Variants in TBC1D5 observed in about 807,000 individuals in gnomAD.
TBC1D5 encodes TBC1 domain family member 5.
In TBC1D5, 75 loss-of-function variants were observed where a neutral mutation model predicts 100.3. The ratio of observed to expected loss-of-function variants is 0.75; its 90% confidence interval spans 0.62 to 0.91. TBC1D5 has a LOEUF of 0.91. TBC1D5 is among the 40% of genes least tolerant of loss of function. The pLI, the probability that TBC1D5 is intolerant of heterozygous loss-of-function variation, is 0.00. For synonymous variants in TBC1D5, 323 were observed against 325.6 expected (o/e 0.99, Z 0.09); for missense variants, 910 against 942.4 (o/e 0.97, Z 0.45).
intron 3 of TBC1D5, among the ~76,000 whole-genome samples, chr3:17,495,319 A>G (rs1007190178): frequency 6.6e-6 from 1 of 152,252 alleles, no homozygotes; most frequent in African/African-American, 2.4e-5. Context: ...TTTGTCATTA[A>G]CCAAAAGACT....
intron 3 of TBC1D5, among the ~76,000 whole-genome samples, chr3:17,491,120 T>C (rs991456148): frequency 6.6e-6 from 1 of 152,206 alleles, no homozygotes; most frequent in Non-Finnish European, 1.5e-5. Flanking sequence ...TGTCAGCTAT[T>C]AGTATATAAA....
intron 13 of TBC1D5, among the ~76,000 whole-genome samples, chr3:17,351,823 AAAG>A (rs1386842259): frequency 6.5e-4 from 73 of 112,518 alleles, no homozygotes; most frequent in African/African-American, 3.0e-3. Flanking sequence ...GAAAAAAAAA[AAAG>A]AGATTCCCTA....
chr3:17,625,472 T>G (rs1408637338), intron 1 of TBC1D5, among the ~76,000 whole-genome samples: 2 of 152,094 alleles, frequency 1.3e-5, no homozygotes, highest in Non-Finnish European at 2.9e-5. Context: ...CAACGATATT[T>G]AATTTTTTTA....
chr3:17,216,706 T>C (rs2073678837), intron 17 of TBC1D5, among the ~76,000 whole-genome samples: 2 of 151,972 alleles, frequency 1.3e-5, no homozygotes, highest in Admixed American at 1.3e-4. Flanking sequence ...GGCCTTAACT[T>C]CCCAGGGATA....
intron 2 of TBC1D5, among the ~76,000 whole-genome samples, chr3:17,511,802 CTGAT>C: frequency 6.6e-6 from 1 of 152,082 alleles, no homozygotes. Context: ...CCATTATATC[CTGAT>C]TTATTATGCC....
At chr3:17,412,626 T>C (rs1400601281) in intron 4 of TBC1D5, among the ~76,000 whole-genome samples, 1 of 152,128 alleles carries the variant, frequency 6.6e-6, no homozygotes. Context: ...ATACTTACAA[T>C]GTGCCTGAAA....
chr3:17,591,233 CAA>C (rs60889092), intron 2 of TBC1D5, among the ~76,000 whole-genome samples: 37 of 18,664 alleles, frequency 2.0e-3, no homozygotes, highest in Admixed American at 4.0e-3. Context: ...AAGGATCTGT[CAA>C]AAAAAAAAAA....
intron 1 of TBC1D5, among the ~76,000 whole-genome samples, chr3:17,676,048 T>C (rs1443589037): frequency 6.6e-6 from 1 of 152,148 alleles, no homozygotes; most frequent in African/African-American, 2.4e-5. Context: ...GAAACTCTCA[T>C]GACTACTTTG....
chr3:17,396,071 C>A (rs1452907434), intron 8 of TBC1D5, among the ~76,000 whole-genome samples: 2 of 152,074 alleles, frequency 1.3e-5, no homozygotes, highest in East Asian at 3.9e-4. Flanking sequence ...GAAACACACA[C>A]AGGTTGCCGA....
intron 2 of TBC1D5, among the ~76,000 whole-genome samples, chr3:17,592,813 G>A (rs1401769241): frequency 1.3e-5 from 2 of 152,138 alleles, no homozygotes; most frequent in African/African-American, 2.4e-5. Context: ...TAGGATTTTG[G>A]AGCAAGGCCC....
chr3:17,684,585 T>G (rs1392008720), intron 1 of TBC1D5, among the ~76,000 whole-genome samples: 3 of 152,114 alleles, frequency 2.0e-5, no homozygotes, highest in Non-Finnish European at 4.4e-5. Flanking sequence ...CCCTAATAAC[T>G]GCTCTATGTT....
chr3:17,507,198 GCTT>G (rs2095853562), intron 3 of TBC1D5, among the ~76,000 whole-genome samples: 1 of 152,130 alleles, frequency 6.6e-6, no homozygotes, highest in Non-Finnish European at 1.5e-5. Context: ...AACTACGAAT[GCTT>G]CTTATGAGTA....
chr3:17,715,872 C>T (rs931651590), intron 1 of TBC1D5, among the ~76,000 whole-genome samples: 1 of 151,962 alleles, frequency 6.6e-6, no homozygotes, highest in East Asian at 1.9e-4. Flanking sequence ...GCCTGGCCAA[C>T]ACAGTGAAAC....
At chr3:17,723,205 A>G (rs940216978) in intron 1 of TBC1D5, among the ~76,000 whole-genome samples, 1 of 152,202 alleles carries the variant, frequency 6.6e-6, no homozygotes, top group Admixed American at 6.5e-5. Flanking sequence ...CAAAGAATAA[A>G]TGTTTCAGGG....
chr3:17,479,169 G>T (rs558293847), intron 3 of TBC1D5, among the ~76,000 whole-genome samples: 69 of 152,282 alleles, frequency 4.5e-4, no homozygotes, highest in African/African-American at 1.6e-3. Context: ...GGGTGGCAGA[G>T]GCAAGAGGAT....
chr3:17,458,416 C>T (rs1206947125), intron 3 of TBC1D5, among the ~76,000 whole-genome samples: 2 of 152,164 alleles, frequency 1.3e-5, no homozygotes. Flanking sequence ...CCCTGTTCCT[C>T]ACCACGGAGG....
At chr3:17,616,974 T>G (rs1156287778) in intron 2 of TBC1D5, among the ~76,000 whole-genome samples, 1 of 152,262 alleles carries the variant, frequency 6.6e-6, no homozygotes, top group Non-Finnish European at 1.5e-5. Flanking sequence ...ATGCAGTTTC[T>G]TCATAGCATT....
At chr3:17,275,113 C>T (rs1162625144) in intron 15 of TBC1D5, among the ~76,000 whole-genome samples, 1 of 152,150 alleles carries the variant, frequency 6.6e-6, no homozygotes, top group African/African-American at 2.4e-5. Flanking sequence ...ACAATTATTT[C>T]CAATTTGCCT....
intron 2 of TBC1D5, among the ~76,000 whole-genome samples, chr3:17,575,749 T>C (rs891652993): frequency 6.6e-6 from 1 of 152,096 alleles, no homozygotes; most frequent in Non-Finnish European, 1.5e-5. Flanking sequence ...GAGGGTAATA[T>C]GTACCAACAA....
Sources: allele counts gnomAD v4.1 joint callset (sites outside exome capture counted in the v4.1 genomes callset), GRCh38; gene constraint gnomAD v4.1.1; transcripts MANE v1.5; gene names NCBI Gene and HGNC (gene_info 2026-07-23, HGNC 2026-07-21).